The following ADAM7 variants were observed in gnomAD, a reference collection of about 807,000 sequenced individuals.
The protein encoded by ADAM7 is disintegrin and metalloproteinase domain-containing protein 7.
In ADAM7, 97 loss-of-function variants were observed where a neutral mutation model predicts 102.9. The observed-to-expected ratio is 0.94, with a 90% CI of 0.80 to 1.12. ADAM7 has a LOEUF of 1.12. Among genes scored for constraint, ADAM7 ranks in the 50% most tolerant of loss-of-function variants. ADAM7 has a pLI of 0.00. For missense variants in ADAM7, 991 were observed against 908.7 expected (o/e 1.09, Z -1.16); for synonymous variants, 334 against 304.4 (o/e 1.10, Z -1.01).
At chr8:24,454,742 T>G (rs1159971811) in intron 3 of ADAM7, among the ~76,000 whole-genome samples, 2 of 152,188 alleles carry the variant, frequency 1.3e-5, no homozygotes, top group Non-Finnish European at 2.9e-5. Flanking sequence ...ACCCGTCTTC[T>G]GCATCGCTCA....
At chr8:24,481,104 G>A (rs1201816947) in intron 8 of ADAM7, among the ~76,000 whole-genome samples, 3 of 150,882 alleles carry the variant, frequency 2.0e-5, no homozygotes, top group East Asian at 1.9e-4. Flanking sequence ...ACAATTCAGG[G>A]CCAAGAGGAA....
At chr8:24,453,170 T>C (rs1214454643) in intron 3 of ADAM7, among the ~76,000 whole-genome samples, 1 of 152,118 alleles carries the variant, frequency 6.6e-6, no homozygotes, top group African/African-American at 2.4e-5. Flanking sequence ...TGGCATTCTC[T>C]GTATTTCCTG....
intron 17 of ADAM7, 94 bp downstream of exon 17, chr8:24,499,410 G>C: frequency 1.1e-6 from 1 of 885,698 alleles, no homozygotes; most frequent in Non-Finnish European, 1.6e-6. Flanking sequence ...ATGTATATAT[G>C]TATTTTTGCT....
intron 15 of ADAM7, 59 bp from the exon 16 acceptor site, chr8:24,492,984 G>A: frequency 2.7e-6 from 4 of 1,488,064 alleles, no homozygotes; most frequent in Non-Finnish European, 3.6e-6. Flanking sequence ...TCCATTGCCA[G>A]CCTAGTCTCA....
rs1819440393 is a variant in ADAM7 at position 24,466,784 on chromosome 8, T to C, written c.390-15T>C. The C allele has an allele frequency of 1.9e-6, 3 of 1,603,630 alleles. No homozygotes were observed. ...TATAGGCCTTGAATACAAATTGTGTTCCCAATTTCTACAGGGGATTCTTCA... is the reference window on the plus strand; with the variant it reads ...TATAGGCCTTGAATACAAATTGTGTCCCCAATTTCTACAGGGGATTCTTCA... On this transcript the variant is annotated splice_polypyrimidine_tract_variant and intron_variant, in intron 5 of 21. Transcript: ENST00000175238.
At chr8:24,506,140 C>T in intron 20 of ADAM7, 2 of 1,549,904 alleles carry the variant, frequency 1.3e-6, no homozygotes, top group Non-Finnish European at 1.7e-6. Flanking sequence ...TTTTCAAGTC[C>T]CCACTACATC....
At chr8:24,482,435 A>C in intron 9 of ADAM7, 124 bp downstream of exon 9, 1 of 956,700 alleles carries the variant, frequency 1.0e-6, no homozygotes, top group East Asian at 2.6e-5. Flanking sequence ...CAGGGACAAA[A>C]TGTTATTTGT....
At chr8:24,484,188 G>T (rs1156487845) in intron 9 of ADAM7, among the ~76,000 whole-genome samples, 1 of 152,112 alleles carries the variant, frequency 6.6e-6, no homozygotes, top group East Asian at 1.9e-4. Context: ...TCTCCAAGAA[G>T]CATAGTCAAA....
intron 8 of ADAM7, among the ~76,000 whole-genome samples, chr8:24,478,358 ATGC>A (rs977460540): frequency 1.1e-4 from 17 of 152,148 alleles, no homozygotes; most frequent in African/African-American, 4.1e-4. Context: ...AGCAGGAGAA[ATGC>A]TGCTGCTTCA....
chr8:24,489,364 C>A, intron 12 of ADAM7, 31 bp downstream of exon 12: 1 of 1,580,468 alleles, frequency 6.3e-7, no homozygotes, highest in Non-Finnish European at 8.6e-7. Flanking sequence ...CTTTAAATTG[C>A]AAAATTTATG....
rs538659414 is a variant in ADAM7 at position 24,464,699 on chromosome 8, C to A, written c.312+739C>A. Among the ~76,000 whole-genome samples the A allele has an allele frequency of 1.7e-3, 259 of 152,322 alleles. 1 individual carries two copies. Among genetic ancestry groups the A allele is most frequent in the African/African-American group, 5.9e-3 (244 of 41,570 alleles). On this transcript the variant is annotated intron_variant, in intron 4 of 21. Transcript: ENST00000175238. ...CACTGCAACCTCCGCCTCCCAGGTTCAAGCGATTCTCCTGCCTCAGCCATC... is the reference window on the plus strand; with the variant it reads ...CACTGCAACCTCCGCCTCCCAGGTTAAAGCGATTCTCCTGCCTCAGCCATC...
intron 11 of ADAM7, 74 bp downstream of exon 11, chr8:24,487,391 A>C (rs1820178721): frequency 2.6e-6 from 4 of 1,530,370 alleles, no homozygotes; most frequent in Admixed American, 3.6e-5. Context: ...TTATGCCTGT[A>C]ATCCCAGCAC....
Position 24,476,479 on chromosome 8 carries a change from G to A in ADAM7, c.680G>A (p.Trp227Ter), listed in dbSNP as rs773667941. The A allele has an allele frequency of 8.7e-6, 14 of 1,608,934 alleles. No individual in the cohort carries two copies. The East Asian group carries it at 2.9e-4, about 33-fold the overall frequency. ...HPHNKLRNRI[W>*]GMVNFVNMIY... is the part of the protein sequence containing the mutation. ...CACAATAAACTAAGGAACCGAATTT[G>A]GGGAATGGTCAATTTTGTCAACATG... Residue 227 changes from tryptophan (W) to a stop codon, truncating the protein, a stop_gained, in exon 8 of 22, where the codon TGG (tryptophan) becomes TAG (stop). Coordinates refer to ENST00000175238, the MANE Select transcript of ADAM7 (RefSeq NM_003817.4). LOFTEE classifies it high-confidence loss of function.
At chr8:24,452,136 G>T (rs1258565966) in intron 3 of ADAM7, among the ~76,000 whole-genome samples, 1 of 151,462 alleles carries the variant, frequency 6.6e-6, no homozygotes, top group South Asian at 2.1e-4. Context: ...GTTGATTTGG[G>T]GTGGAGAGTT....
At chr8:24,491,482 G>T (rs993652458) in intron 13 of ADAM7, among the ~76,000 whole-genome samples, 33 of 152,158 alleles carry the variant, frequency 2.2e-4, no homozygotes, top group African/African-American at 6.5e-4. Flanking sequence ...GAAAGCAAGG[G>T]TATTTTTCTC....
Position 24,493,224 on chromosome 8 carries a change from G to C in ADAM7, c.1837G>C (p.Gly613Arg), listed in dbSNP as rs778041314. ...LVASGTKCGE[G>R]MVCNNGECLN... is the part of the protein sequence containing the mutation. Reference sequence around the variant, plus strand: ...GGCGTCAGGAACAAAATGTGGAGAGGGAATGGTAAGACAAAAGCCCTTTGT... The same window carrying C: ...GGCGTCAGGAACAAAATGTGGAGAGCGAATGGTAAGACAAAAGCCCTTTGT... Residue 613 changes from glycine (G) to arginine (R), a missense_variant, in exon 16 of 22, where the codon GGA becomes CGA. By Grantham distance (125) the Gly-to-Arg change is moderately radical. Transcript: ENST00000175238. 1.1e-4 allele frequency: 168 copies of C among 1,595,402 alleles called. No individual in the cohort carries two copies. The highest frequency in any genetic ancestry group is 1.4e-4 in the Non-Finnish European group (167 of 1,173,050).
chr8:24,499,172 T>G (rs1332142133), intron 16 of ADAM7, 64 bp from the exon 17 acceptor site: 1 of 1,329,826 alleles, frequency 7.5e-7, no homozygotes, highest in African/African-American at 1.5e-5. Flanking sequence ...ATGCATTACA[T>G]GAAATTACAA....
At chr8:24,493,291 G>A in intron 16 of ADAM7, 62 bp downstream of exon 16, 2 of 1,422,858 alleles carry the variant, frequency 1.4e-6, no homozygotes, top group South Asian at 1.6e-5. Flanking sequence ...AAACATTACT[G>A]GATACTGTAA....
chr8:24,479,920 C>T (rs1007048324), intron 8 of ADAM7, among the ~76,000 whole-genome samples: 7 of 152,166 alleles, frequency 4.6e-5, no homozygotes, highest in African/African-American at 1.7e-4. Context: ...TCTAGATTCT[C>T]TGGCTTGTCC....
Sources: gnomAD v4.1 joint callset for allele counts (sites outside exome capture counted in the v4.1 genomes callset) on GRCh38, gnomAD v4.1.1 for gene constraint, MANE v1.5 for transcripts, NCBI Gene and HGNC (gene_info 2026-07-23, HGNC 2026-07-21) for gene names.